The following FAM186B variants were observed in gnomAD, a reference collection of about 807,000 sequenced individuals.
The protein encoded by FAM186B is family with sequence similarity 186 member B, also known as protein FAM186B.
A neutral mutation model predicts 83.4 loss-of-function variants in FAM186B; 68 were observed. The observed-to-expected ratio is 0.81, with a 90% CI of 0.67 to 1.00. FAM186B has a LOEUF of 1.00. Among genes scored for constraint, FAM186B ranks in the 50% least tolerant of loss-of-function variants. FAM186B has a pLI of 0.00. For missense variants in FAM186B, 983 were observed against 1,099.2 expected, an observed-to-expected ratio of 0.89 and a Z score of 1.49; for synonymous variants, 389 against 422.0, an observed-to-expected ratio of 0.92 and a Z score of 0.96.
At chr12:49,586,562 G>A (rs956986949), downstream of FAM186B, among the ~76,000 whole-genome samples, 1 of 152,160 alleles carries the variant, frequency 6.6e-6, no homozygotes, top group Admixed American at 6.5e-5. Context: ...CCCCACGATG[G>A]GGAGGTCTTT....
downstream of FAM186B, among the ~76,000 whole-genome samples, chr12:49,585,176 GC>G (rs1939414979): frequency 6.6e-6 from 1 of 152,088 alleles, no homozygotes; most frequent in Admixed American, 6.6e-5. Flanking sequence ...CCGCCACCAT[GC>G]CCGGCTAATT....
chr12:49,603,243 G>C lies in FAM186B; in HGVS notation c.447C>G (p.Ile149Met). The change falls in exon 3 of 7, where the codon ATC becomes ATG. Residue 149 changes from isoleucine (I) to methionine (M), a missense_variant. Transcript: ENST00000257894. The part of the protein sequence containing the change: ...PLSLIATKRG[I>M]ESLTALCSTL... ...TGGAGCAAAGGGCAGTGAGTGACTCGATGCCTCTTTTGGTGGCAATGAGGG... is the reference window on the plus strand; with the variant it reads ...TGGAGCAAAGGGCAGTGAGTGACTCCATGCCTCTTTTGGTGGCAATGAGGG... The C allele has an allele frequency of 6.2e-7, 1 of 1,614,174 alleles. No homozygotes were observed. Among genetic ancestry groups the C allele is most frequent in the Non-Finnish European group, 8.5e-7 (1 of 1,180,038 alleles).
At chr12:49,614,150 CAAA>C in the FAM186B span, among the ~76,000 whole-genome samples, 1 of 131,430 alleles carries the variant, frequency 7.6e-6, no homozygotes. Flanking sequence ...AACTCTGTCT[CAAA>C]AAAAAAAAAA....
chr12:49,605,085 C>T (rs1193548055), intron 1 of FAM186B: 1 of 961,166 alleles, frequency 1.0e-6, no homozygotes, highest in Non-Finnish European at 1.4e-6. Context: ...TGGGTCCTTT[C>T]TCCTGCCCTC....
intron 1 of FAM186B, 69 bp from the exon 2 acceptor site, chr12:49,604,607 T>TG: frequency 7.3e-7 from 1 of 1,367,794 alleles, no homozygotes; most frequent in South Asian, 1.2e-5. Context: ...GCTAGCAGCG[T>TG]GACCTTGGAC....
chr12:49,584,586 G>A (rs191025832), downstream of FAM186B: 445 of 702,392 alleles, frequency 6.3e-4, 7 homozygotes, highest in Admixed American at 8.7e-3. Flanking sequence ...GTAGGTTCCT[G>A]GCATTCCTTC....
downstream of FAM186B, chr12:49,584,378 C>T: frequency 3.1e-6 from 2 of 652,670 alleles, no homozygotes; most frequent in South Asian, 3.4e-5. Context: ...CAGCAACCCC[C>T]AGAGGGTTTC....
In FAM186B at chr12:49,605,604, G is replaced by T; in HGVS notation, c.-127C>A. The T allele has an allele frequency of 1.1e-6, 1 of 935,700 alleles. No homozygotes were observed. The allele number at this position is 935,700 out of a possible 1,614,324, so 58.0% of individuals were successfully genotyped here. A position where few individuals can be genotyped will look rare whatever the true frequency, so the allele number is the denominator to read the frequency against. ...CCTGGGTACCCTCTGCCCAGGCACA[G>T]CTCCTCTGGTAACTGCCAAACACCA... On this transcript the variant is annotated 5_prime_UTR_variant, in exon 1 of 7. The change creates a new upstream start codon in the 5' untranslated region. Transcript: ENST00000257894.
downstream of FAM186B, chr12:49,584,379 A>T: frequency 1.5e-6 from 1 of 653,796 alleles, no homozygotes; most frequent in South Asian, 1.7e-5. Flanking sequence ...AGCAACCCCC[A>T]GAGGGTTTCT....
chr12:49,591,473 T>G (rs910174356), intron 5 of FAM186B, among the ~76,000 whole-genome samples: 10 of 151,954 alleles, frequency 6.6e-5, no homozygotes, highest in Non-Finnish European at 1.3e-4. Flanking sequence ...CTTTCAAAAC[T>G]GAAAGCTGAA....
At position 49,600,342 on chromosome 12, in the gene FAM186B, A is replaced by G; in HGVS notation, c.1298T>C (p.Val433Ala). Residue 433 changes from valine (V) to alanine (A), a missense_variant, in exon 4 of 7, where the codon GTG becomes GCG. Coordinates refer to ENST00000257894, the MANE Select transcript of FAM186B (RefSeq NM_032130.3). The surrounding 1 kb of genome is among the most constrained non-coding windows in gnomAD (Gnocchi z 4.3). Reference sequence around the variant, plus strand: ...GTCTTTGTGGCCTAAGCTTTCTGCCACCGGTCTTTCCCATTTCTTAGGAAA... The same window carrying G: ...GTCTTTGTGGCCTAAGCTTTCTGCCGCCGGTCTTTCCCATTTCTTAGGAAA... The part of the protein sequence containing the change: ...RRFPKKWERP[V>A]AESLGHKDKD... The G allele has an allele frequency of 6.2e-7, 1 of 1,614,132 alleles. No individual in the cohort carries two copies. The highest frequency in any genetic ancestry group is 8.5e-7 in the Non-Finnish European group (1 of 1,180,030).
rs915843068 is a variant in FAM186B, at chr12:49,588,720, C to G, written c.2365-97G>C. ...TCTGTTTGTTGGTGCCCCTGCTGGA[C>G]TCAGGGCTGAGTGGAGAGGGTAAGG... On this transcript the variant is annotated intron_variant, in intron 5 of 6. Transcript: ENST00000257894. The G allele has an allele frequency of 1.6e-5, 21 of 1,295,728 alleles. No homozygotes were observed. The African/African-American group carries it at 3.0e-4, about 18-fold the overall frequency. 80.3% of individuals were successfully genotyped at this position (1,295,728 alleles called of 1,614,324 possible).
At chr12:49,588,331 C>G in intron 6 of FAM186B, 123 bp downstream of exon 6, 1 of 1,251,508 alleles carries the variant, frequency 8.0e-7, no homozygotes, top group Non-Finnish European at 1.1e-6. Context: ...CACTTTGCAA[C>G]TCGTAGGGTG....
the FAM186B span, among the ~76,000 whole-genome samples, chr12:49,611,487 G>C: frequency 6.0e-5 from 9 of 150,926 alleles, no homozygotes; most frequent in African/African-American, 2.0e-4. Flanking sequence ...CCAGGAGGCT[G>C]AGATTGCAGT....
At chr12:49,593,895 T>C (rs1006586258) in intron 5 of FAM186B, among the ~76,000 whole-genome samples, 2 of 152,150 alleles carry the variant, frequency 1.3e-5, no homozygotes, top group Non-Finnish European at 2.9e-5. Flanking sequence ...TTCAGAGTAT[T>C]TGAATAATAA....
downstream of FAM186B, among the ~76,000 whole-genome samples, chr12:49,585,401 C>A (rs1291146750): frequency 6.6e-6 from 1 of 152,158 alleles, no homozygotes; most frequent in Non-Finnish European, 1.5e-5. Flanking sequence ...TAAGATTGTC[C>A]AGCTACAGAA....
intron 2 of FAM186B, 170 bp downstream of exon 2, chr12:49,604,143 G>A: frequency 1.7e-6 from 1 of 599,662 alleles, no homozygotes; most frequent in Non-Finnish European, 3.0e-6. Flanking sequence ...GTCATGATCT[G>A]TGATGTTTGG....
intron 5 of FAM186B, chr12:49,595,115 A>G (rs1939683545): frequency 2.6e-6 from 1 of 383,938 alleles, no homozygotes; most frequent in African/African-American, 2.1e-5. Flanking sequence ...ATGAAAACAT[A>G]TAACCTGAGT....
chr12:49,588,511 G>A lies in FAM186B; in HGVS notation c.2477C>T (p.Thr826Ile). 6.2e-7 allele frequency: 1 copy of A among 1,613,594 alleles called. No individual in the cohort carries two copies. Among genetic ancestry groups the A allele is most frequent in the Non-Finnish European group, 8.5e-7 (1 of 1,179,764 alleles). Residue 826 changes from threonine (T) to isoleucine (I), a missense_variant, in exon 6 of 7, where the codon ACC becomes ATC. By Grantham distance (89) the Thr-to-Ile change is moderately conservative (BLOSUM62 -1). Coordinates refer to ENST00000257894, the MANE Select transcript of FAM186B (RefSeq NM_032130.3). ...SPRHIRPSGP[T>I]YKQPFLSRHR... ...CCTAGACAGAAAGGGCTGCTTGTAGGTGGGGCCACTGGGGCGGATGTGCCG... is the reference window on the plus strand; with the variant it reads ...CCTAGACAGAAAGGGCTGCTTGTAGATGGGGCCACTGGGGCGGATGTGCCG...
Sources: gnomAD v4.1 joint callset for allele counts (sites outside exome capture counted in the v4.1 genomes callset) on GRCh38, gnomAD v4.1.1 for gene constraint, Gnocchi (gnomAD v3.1) non-coding constraint, MANE v1.5 for transcripts, NCBI Gene and HGNC (gene_info 2026-07-23, HGNC 2026-07-21) for gene names.